The following TAFA4 variants were observed in gnomAD, a reference collection of about 807,000 sequenced individuals.
The protein encoded by TAFA4 is chemokine-like protein TAFA-4.
In TAFA4, 20 loss-of-function variants were observed where a neutral mutation model predicts 21.1. That is an observed-to-expected ratio of 0.95 (90% CI 0.67 to 1.38). The LOEUF is 1.38. Among genes scored for constraint, TAFA4 ranks in the 40% most tolerant of loss-of-function variants. The pLI is 0.00. For synonymous variants in TAFA4, 71 were observed against 67.4 expected, an observed-to-expected ratio of 1.05 and a Z score of -0.26; for missense variants, 211 against 180.9, an observed-to-expected ratio of 1.17 and a Z score of -0.95.
At chr3:68,827,437 T>C (rs1178950661) in intron 3 of TAFA4, among the ~76,000 whole-genome samples, 2 of 152,204 alleles carry the variant, frequency 1.3e-5, no homozygotes, top group Admixed American at 6.5e-5. Context: ...TATTTCTGGT[T>C]CTAGATCCTT....
At chr3:68,777,171 T>G (rs1211186066) in intron 3 of TAFA4, among the ~76,000 whole-genome samples, 1 of 152,094 alleles carries the variant, frequency 6.6e-6, no homozygotes, top group Non-Finnish European at 1.5e-5. Flanking sequence ...ATCTTCATAC[T>G]ATAACTGTCT....
chr3:68,893,760 G>A (rs958677696), intron 1 of TAFA4, among the ~76,000 whole-genome samples: 2 of 152,162 alleles, frequency 1.3e-5, no homozygotes, highest in African/African-American at 4.8e-5. Context: ...TGGGATAAAG[G>A]CTTCTTAAAA....
intron 3 of TAFA4, among the ~76,000 whole-genome samples, chr3:68,848,545 G>A (rs2106905737): frequency 6.6e-6 from 1 of 152,086 alleles, no homozygotes; most frequent in East Asian, 1.9e-4. Context: ...CCTTTCCAGG[G>A]TCCATGGTTG....
chr3:68,827,727 G>T (rs903009499), intron 3 of TAFA4, among the ~76,000 whole-genome samples: 1 of 151,620 alleles, frequency 6.6e-6, no homozygotes, highest in Admixed American at 6.6e-5. Context: ...ACTTTTTAAC[G>T]GGGTTGTTTT....
At chr3:68,834,379 C>A (rs1704472899) in intron 3 of TAFA4, among the ~76,000 whole-genome samples, 1 of 152,158 alleles carries the variant, frequency 6.6e-6, no homozygotes, top group Non-Finnish European at 1.5e-5. Context: ...ATCTATATAA[C>A]TTTTTTGTTA....
At chr3:68,815,086 G>A (rs1703938703) in intron 3 of TAFA4, among the ~76,000 whole-genome samples, 1 of 152,166 alleles carries the variant, frequency 6.6e-6, no homozygotes, top group African/African-American at 2.4e-5. Context: ...TTTAATAAAT[G>A]GTGCTGGGAA....
At chr3:68,880,943 C>G in intron 2 of TAFA4, 98 bp from the exon 3 acceptor site, 2 of 838,576 alleles carry the variant, frequency 2.4e-6, no homozygotes, top group Non-Finnish European at 3.8e-6. Flanking sequence ...AGGGGCAGAT[C>G]CCTGGAGCTG....
At chr3:68,756,966 C>T (rs1280499931) in intron 3 of TAFA4, among the ~76,000 whole-genome samples, 1 of 152,132 alleles carries the variant, frequency 6.6e-6, no homozygotes, top group Admixed American at 6.6e-5. Context: ...AAATCAGCAA[C>T]TTTCAGTCAA....
chr3:68,854,555 C>T (rs1705024125), intron 3 of TAFA4, among the ~76,000 whole-genome samples: 1 of 152,056 alleles, frequency 6.6e-6, no homozygotes. Context: ...TCTTAGGAGT[C>T]TTGAAATGTC....
At chr3:68,826,431 G>A (rs1409865780) in intron 3 of TAFA4, among the ~76,000 whole-genome samples, 9 of 151,994 alleles carry the variant, frequency 5.9e-5, no homozygotes, top group South Asian at 2.1e-4. Flanking sequence ...AAATTGGCTC[G>A]GCATGGTGGC....
chr3:68,798,981 C>T (rs1483294462), intron 3 of TAFA4, among the ~76,000 whole-genome samples: 1 of 152,036 alleles, frequency 6.6e-6, no homozygotes, highest in African/African-American at 2.4e-5. Flanking sequence ...TATTGTAGTC[C>T]TGGTTTGTTT....
At chr3:68,769,677 A>G (rs1461833252) in intron 3 of TAFA4, among the ~76,000 whole-genome samples, 2 of 152,226 alleles carry the variant, frequency 1.3e-5, no homozygotes, top group African/African-American at 4.8e-5. Flanking sequence ...ATCACACTAT[A>G]CCCCATAAAT....
intron 3 of TAFA4, among the ~76,000 whole-genome samples, chr3:68,791,572 A>C (rs1223482069): frequency 6.6e-6 from 1 of 152,218 alleles, no homozygotes; most frequent in African/African-American, 2.4e-5. Context: ...TAGGAAGCTA[A>C]TGCAGCAGAG....
At chr3:68,831,867 G>T (rs984300348) in intron 3 of TAFA4, among the ~76,000 whole-genome samples, 2 of 152,106 alleles carry the variant, frequency 1.3e-5, no homozygotes, top group African/African-American at 4.8e-5. Context: ...ATTTCTTGGA[G>T]TCTTTGTTCA....
intron 1 of TAFA4, among the ~76,000 whole-genome samples, chr3:68,889,629 A>G (rs538563325): frequency 5.3e-5 from 8 of 152,174 alleles, no homozygotes; most frequent in Non-Finnish European, 8.8e-5. Flanking sequence ...AAACTCTACA[A>G]TGATGAAATA....
intron 3 of TAFA4, among the ~76,000 whole-genome samples, chr3:68,865,945 A>T (rs2089410436): frequency 1.3e-5 from 2 of 152,016 alleles, no homozygotes. Flanking sequence ...AAAAAAATTC[A>T]CCCAGATTTA....
chr3:68,880,959 C>A (rs994227659), intron 2 of TAFA4, 114 bp from the exon 3 acceptor site: 2 of 719,986 alleles, frequency 2.8e-6, no homozygotes, highest in Non-Finnish European at 4.7e-6. Flanking sequence ...AGCTGGAATT[C>A]CTTTCTCCCA....
chr3:68,807,496 T>C (rs1703727435), intron 3 of TAFA4, among the ~76,000 whole-genome samples: 1 of 152,174 alleles, frequency 6.6e-6, no homozygotes, highest in Non-Finnish European at 1.5e-5. Context: ...ACAATGACAT[T>C]TGATATCTTA....
chr3:68,810,741 T>G (rs1703817007), intron 3 of TAFA4, among the ~76,000 whole-genome samples: 1 of 152,188 alleles, frequency 6.6e-6, no homozygotes, highest in South Asian at 2.1e-4. Flanking sequence ...ACTCCACCTC[T>G]GGGGGCAGGG....
Sources: allele counts gnomAD v4.1 joint callset (sites outside exome capture counted in the v4.1 genomes callset), GRCh38; gene constraint gnomAD v4.1.1; transcripts MANE v1.5; gene names NCBI Gene and HGNC (gene_info 2026-07-23, HGNC 2026-07-21).